Variants in DPP8 observed in about 807,000 individuals in gnomAD.
DPP8 encodes DPP VIII.
In DPP8, 31 loss-of-function variants were observed where a neutral mutation model predicts 107.5. That is an observed-to-expected ratio of 0.29 (90% CI 0.22 to 0.39). DPP8 has a LOEUF of 0.39. Among genes scored for constraint, DPP8 ranks in the 10% least tolerant of loss-of-function variants. DPP8 has a pLI of 1.00. For synonymous variants in DPP8, 381 were observed against 356.6 expected (o/e 1.07, Z -0.77); for missense variants, 842 against 1,076.1 (o/e 0.78, Z 3.04).
rs1247158194 is a variant in DPP8, at chr15:65,466,698, G to A, written c.1805C>T (p.Ala602Val). ...AATACCTGCTGAATCCAAAATGGTG[G>A]CCCAAAATTCCTTTGTTTTGCAAGT... ...DPTCKTKEFWATILDSAGPLP... is the reference protein window; with the variant it reads ...DPTCKTKEFWVTILDSAGPLP... Residue 602 changes from alanine to valine, a missense_variant, in exon 14 of 20, where the codon GCC becomes GTC. Around this residue, in one of 2 missense-constraint regions of DPP8, gnomAD observed 663 missense variants for 758.0 expected, o/e 0.87. Transcript: ENST00000300141. 10 of 1,614,046 alleles carry A rather than the reference G, an allele frequency of 6.2e-6. No homozygotes were observed. Among genetic ancestry groups the A allele is most frequent in the South Asian group, 5.5e-5 (5 of 91,088 alleles).
chr15:65,506,246 T>G (rs150649020), intron 3 of DPP8, among the ~76,000 whole-genome samples: 7,244 of 151,908 alleles, frequency 0.048, 593 homozygotes, highest in African/African-American at 0.17. Flanking sequence ...GGAGAATCGC[T>G]TGAACCCGGG....
intron 3 of DPP8, among the ~76,000 whole-genome samples, chr15:65,501,779 G>T (rs147238269): frequency 1.4e-4 from 22 of 152,194 alleles, no homozygotes; most frequent in African/African-American, 5.1e-4. Context: ...CTCTTCCCTG[G>T]ACTCTTGGAA....
chr15:65,511,751 C>CAT (rs1304181601), intron 2 of DPP8, among the ~76,000 whole-genome samples: 1 of 146,068 alleles, frequency 6.8e-6, no homozygotes, highest in African/African-American at 2.5e-5. Flanking sequence ...TAAATAAACA[C>CAT]ATATACACAC....
intron 5 of DPP8, among the ~76,000 whole-genome samples, chr15:65,495,340 T>G (rs2068474951): frequency 6.6e-6 from 1 of 152,202 alleles, no homozygotes; most frequent in Admixed American, 6.5e-5. Flanking sequence ...GTGCTGTGGC[T>G]CTCGCCTGTT....
chr15:65,499,451 G>C (rs2068966312), intron 4 of DPP8, among the ~76,000 whole-genome samples: 1 of 152,080 alleles, frequency 6.6e-6, no homozygotes, highest in African/African-American at 2.4e-5. Flanking sequence ...TCAAACTCCT[G>C]ATCTCAAGTG....
At chr15:65,488,603 C>CAAAAAAAAAAAAAAAAAAA (rs1166493197) in intron 6 of DPP8, among the ~76,000 whole-genome samples, 1 of 45,288 alleles carries the variant, frequency 2.2e-5, no homozygotes, top group African/African-American at 8.4e-5. Context: ...GACCCTGCCT[C>CAAAAAAAAAAAAAAAAAAA]AAAAAAAAAA....
chr15:65,466,843 C>T (rs531658456), intron 13 of DPP8, 30 bp from the exon 14 acceptor site: 5 of 1,600,646 alleles, frequency 3.1e-6, no homozygotes, highest in African/African-American at 2.7e-5. Context: ...TTATATTTTT[C>T]GTCAGGAAGG....
intron 3 of DPP8, among the ~76,000 whole-genome samples, chr15:65,501,537 A>T (rs992351642): frequency 5.9e-5 from 9 of 152,198 alleles, no homozygotes; most frequent in Non-Finnish European, 5.9e-5. Flanking sequence ...AAATAGTAAT[A>T]AATCATCTAT....
At chr15:65,476,696 T>C (rs979389974) in intron 11 of DPP8, among the ~76,000 whole-genome samples, 2 of 152,074 alleles carry the variant, frequency 1.3e-5, no homozygotes, top group African/African-American at 4.8e-5. Flanking sequence ...TTTGAGTACA[T>C]ACCCAAAAGA....
chr15:65,512,699 AACTT>A lies in DPP8; in HGVS notation c.-11-139_-11-136del, dbSNP rs781630620. On this transcript the variant is annotated intron_variant, in intron 1 of 19. Coordinates refer to ENST00000300141, the MANE Select transcript of DPP8 (RefSeq NM_130434.5). ...ATGCTTTTTAGCACAGCTGCAATGA[AACTT>A]AGTAAGAAAAGCAACAGCTCTCCCT... 3.9e-4 allele frequency: 320 copies of A among 813,660 alleles called. 1 individual carries two copies. The highest frequency in any genetic ancestry group is 5.6e-4 in the Non-Finnish European group (288 of 515,378). 50.4% of individuals were successfully genotyped at this position (813,660 alleles called of 1,614,324 possible).
intron 11 of DPP8, among the ~76,000 whole-genome samples, chr15:65,477,956 G>A (rs1221207252): frequency 2.0e-5 from 3 of 152,084 alleles, no homozygotes; most frequent in Non-Finnish European, 4.4e-5. Flanking sequence ...TTAAAGTTGA[G>A]AACTGTAACT....
intron 6 of DPP8, among the ~76,000 whole-genome samples, chr15:65,489,134 G>T (rs550943747): frequency 4.4e-4 from 66 of 150,620 alleles, no homozygotes; most frequent in African/African-American, 1.5e-3. Context: ...CTAATTTTTT[G>T]TATTTTAGTA....
At chr15:65,452,170 C>A in intron 17 of DPP8, 68 bp from the exon 18 acceptor site, 2 of 1,516,392 alleles carry the variant, frequency 1.3e-6, no homozygotes, top group Non-Finnish European at 1.8e-6. Flanking sequence ...TGAGATCTTA[C>A]AACTGCAAAT....
intron 6 of DPP8, among the ~76,000 whole-genome samples, chr15:65,488,286 C>T (rs2067633682): frequency 6.6e-6 from 1 of 152,058 alleles, no homozygotes; most frequent in Admixed American, 6.6e-5. Flanking sequence ...CAAGACATGG[C>T]TTAAAAGTAT....
At chr15:65,515,206 G>C (rs962322867) in intron 1 of DPP8, among the ~76,000 whole-genome samples, 1 of 152,184 alleles carries the variant, frequency 6.6e-6, no homozygotes, top group Non-Finnish European at 1.5e-5. Flanking sequence ...TGGGATTATA[G>C]GTGTGAGTCA....
Position 65,448,903 on chromosome 15 carries a change from T to TCTA in DPP8, c.2527-1898_2527-1897insTAG, listed in dbSNP as rs1567125952. On this transcript the variant is annotated intron_variant, in intron 19 of 19. Transcript: ENST00000300141. ...ATATATATATATATATATATATATA[T>TCTA]ATATATATATATATATATATTTAGC... Among the ~76,000 whole-genome samples, 130 of 86,184 alleles carry TCTA rather than the reference T, an allele frequency of 1.5e-3. 2 individuals are homozygous for TCTA. The highest frequency in any genetic ancestry group is 5.2e-3 in the Middle Eastern group (1 of 192). 56.5% of individuals were successfully genotyped at this position (86,184 alleles called of 152,430 possible). A position where few individuals can be genotyped will look rare whatever the true frequency, so the allele number is the denominator to read the frequency against.
At chr15:65,466,922 G>A in intron 13 of DPP8, 109 bp from the exon 14 acceptor site, 1 of 1,403,502 alleles carries the variant, frequency 7.1e-7, no homozygotes, top group Non-Finnish European at 9.7e-7. Flanking sequence ...GACTATTTAT[G>A]TACATATACA....
chr15:65,455,610 C>T (rs2064351971), intron 16 of DPP8: 1 of 1,143,446 alleles, frequency 8.7e-7, no homozygotes, highest in Non-Finnish European at 1.1e-6. Context: ...CACGCAATCT[C>T]ACTTCACTGA....
intron 14 of DPP8, 152 bp from the exon 15 acceptor site, chr15:65,464,058 T>C (rs1292192537): frequency 4.9e-6 from 3 of 608,626 alleles, no homozygotes; most frequent in Non-Finnish European, 8.1e-6. Context: ...AGCAAGAGTA[T>C]ATTCATCTTT....
Sources: allele counts gnomAD v4.1 joint callset (sites outside exome capture counted in the v4.1 genomes callset), GRCh38; gene constraint gnomAD v4.1.1; regional missense constraint gnomAD v4.1.1; transcripts MANE v1.5; gene names NCBI Gene and HGNC (gene_info 2026-07-23, HGNC 2026-07-21).